EYS: variants seen among roughly 807,000 people sequenced by gnomAD.
EYS encodes EGF-like photoreceptor maintenance factor, also known as protein eyes shut homolog.
In EYS, 250 loss-of-function variants were observed where a neutral mutation model predicts 282.1. That is an observed-to-expected ratio of 0.89 (90% CI 0.80 to 0.98). EYS has a LOEUF of 0.98. EYS is among the 50% of genes least tolerant of loss of function. The probability of loss-of-function intolerance (pLI) is 0.00; values close to 1 mark genes in which losing one functional copy is unlikely to be tolerated. For missense variants in EYS, 4,016 were observed against 3,709.0 expected, an observed-to-expected ratio of 1.08 and a Z score of -2.15; for synonymous variants, 1,355 against 1,282.9, an observed-to-expected ratio of 1.06 and a Z score of -1.20.
intron 12 of EYS, among the ~76,000 whole-genome samples, chr6:65,259,502 T>C (rs1767561541): frequency 6.6e-6 from 1 of 152,070 alleles, no homozygotes; most frequent in Non-Finnish European, 1.5e-5. Flanking sequence ...GGTTGATGTG[T>C]TTTTATACTT....
intron 35 of EYS, among the ~76,000 whole-genome samples, chr6:63,930,297 A>T (rs1764849528): frequency 7.0e-6 from 1 of 142,988 alleles, no homozygotes; most frequent in South Asian, 2.3e-4. Flanking sequence ...CCACCCAAAA[A>T]CCAAACAAAA....
intron 2 of EYS, among the ~76,000 whole-genome samples, chr6:65,564,868 A>T (rs1481583560): frequency 6.6e-6 from 1 of 152,066 alleles, no homozygotes; most frequent in Non-Finnish European, 1.5e-5. Context: ...AATTTTTCTC[A>T]ATCTATCCAT....
At chr6:64,103,222 T>C (rs1197711119) in intron 31 of EYS, among the ~76,000 whole-genome samples, 1 of 152,110 alleles carries the variant, frequency 6.6e-6, no homozygotes, top group Non-Finnish European at 1.5e-5. Context: ...GTAAACTAGA[T>C]AAATAACTTA....
At chr6:65,603,661 T>C (rs1180767390) in intron 2 of EYS, among the ~76,000 whole-genome samples, 2 of 151,906 alleles carry the variant, frequency 1.3e-5, no homozygotes, top group Non-Finnish European at 2.9e-5. Context: ...AACTTGAGCT[T>C]TATTATCTGT....
chr6:65,262,833 T>A (rs1019270859), intron 12 of EYS, among the ~76,000 whole-genome samples: 3 of 152,098 alleles, frequency 2.0e-5, no homozygotes, highest in Non-Finnish European at 4.4e-5. Context: ...GACACCCATA[T>A]TAAGAGGATA....
rs1029564423 is a variant in EYS at position 64,822,650 on chromosome 6, C to A, written c.3164+1G>T. The A allele has an allele frequency of 6.6e-7, 1 of 1,520,894 alleles. No homozygotes were observed. Among genetic ancestry groups the A allele is most frequent in the East Asian group, 2.5e-5 (1 of 40,014 alleles). 94.2% of individuals were successfully genotyped at this position (1,520,894 alleles called of 1,614,324 possible). On this transcript the variant is annotated splice_donor_variant, in intron 20 of 42. Transcript: ENST00000503581. LOFTEE classifies it high-confidence loss of function. Reference sequence around the variant, plus strand: ...AAGCTAATAATAAAAAAAATAGCTACCTTCCATGTAGACAAGGATTTGAAA... The same window carrying A: ...AAGCTAATAATAAAAAAAATAGCTAACTTCCATGTAGACAAGGATTTGAAA...
rs957242100 is a variant in EYS, at chr6:64,138,176, T to G, written c.6425-56174A>C. 2.6e-5 allele frequency among the ~76,000 whole-genome samples: 4 copies of G among 152,176 alleles called. No individual in the cohort carries two copies. The East Asian group carries it at 7.7e-4, about 29-fold the overall frequency. On this transcript the variant is annotated intron_variant, in intron 31 of 42. Transcript: ENST00000503581. ...CAGAACTTCAATTGTACATAGTAGA[T>G]GTAAATAGGTGAGCTGTAAGTCGTA...
At chr6:64,709,367 A>C (rs149096080) in intron 22 of EYS, among the ~76,000 whole-genome samples, 1 of 152,116 alleles carries the variant, frequency 6.6e-6, no homozygotes, top group African/African-American at 2.4e-5. Flanking sequence ...CATTTGATGG[A>C]GTTCATTTCT....
chr6:64,995,903 C>G (rs1771244721), intron 14 of EYS, among the ~76,000 whole-genome samples: 1 of 152,102 alleles, frequency 6.6e-6, no homozygotes, highest in African/African-American at 2.4e-5. Flanking sequence ...CTTGACTTGT[C>G]AAATGACTGG....
chr6:64,434,601 C>A (rs1276498901), intron 28 of EYS, among the ~76,000 whole-genome samples: 1 of 152,002 alleles, frequency 6.6e-6, no homozygotes, highest in Non-Finnish European at 1.5e-5. Context: ...TAGCATGGTT[C>A]ATGGGGCCTG....
At chr6:64,111,854 T>C (rs1773216021) in intron 31 of EYS, among the ~76,000 whole-genome samples, 2 of 152,100 alleles carry the variant, frequency 1.3e-5, no homozygotes, top group Middle Eastern at 3.4e-3. Context: ...TAGAAAGAAA[T>C]ATATTATGGA....
intron 2 of EYS, among the ~76,000 whole-genome samples, chr6:65,538,755 T>G (rs1460681851): frequency 1.3e-5 from 2 of 152,126 alleles, no homozygotes; most frequent in Admixed American, 1.3e-4. Flanking sequence ...CCATGACTCC[T>G]CCTAGTATTC....
intron 2 of EYS, among the ~76,000 whole-genome samples, chr6:65,634,813 C>A (rs1186761839): frequency 2.0e-5 from 3 of 152,166 alleles, no homozygotes; most frequent in Non-Finnish European, 4.4e-5. Flanking sequence ...CCTTGTTATA[C>A]AGGTGAGAAG....
intron 22 of EYS, among the ~76,000 whole-genome samples, chr6:64,681,088 T>G (rs539434614): frequency 6.6e-6 from 1 of 152,254 alleles, no homozygotes; most frequent in Non-Finnish European, 1.5e-5. Context: ...TGTTAAAACA[T>G]ATCTCAAATA....
intron 13 of EYS, among the ~76,000 whole-genome samples, chr6:65,001,455 A>G (rs1240521612): frequency 6.8e-6 from 1 of 147,604 alleles, no homozygotes; most frequent in Non-Finnish European, 1.5e-5. Context: ...TCTGCGGAAG[A>G]GTCCGTTGGT....
chr6:64,506,787 TA>T (rs1264110978), intron 26 of EYS, among the ~76,000 whole-genome samples: 2 of 151,484 alleles, frequency 1.3e-5, no homozygotes, highest in African/African-American at 4.9e-5. Context: ...CAAGCGGCTG[TA>T]GTCCCAGCTA....
rs1160393014 is a variant in EYS, at chr6:64,837,937, T to C, written c.2993-15115A>G. ...ATTCAAGTGATGACTACACTAAAAG[T>C]CTAGACTTCACCACCTTGCAATATA... On this transcript the variant is annotated intron_variant, in intron 19 of 42. Coordinates refer to ENST00000503581, the MANE Select transcript of EYS (RefSeq NM_001142800.2). Among the ~76,000 whole-genome samples the C allele has an allele frequency of 2.0e-5, 3 of 151,570 alleles. No homozygotes were observed. The East Asian group carries it at 5.8e-4, about 29-fold the overall frequency.
intron 13 of EYS, among the ~76,000 whole-genome samples, chr6:65,011,066 T>C (rs1320135319): frequency 2.0e-5 from 3 of 152,160 alleles, no homozygotes; most frequent in African/African-American, 2.4e-5. Flanking sequence ...CAAGCCCCAA[T>C]ACTCAGCAGG....
At chr6:65,030,387 C>T (rs186508712) in intron 13 of EYS, among the ~76,000 whole-genome samples, 217 of 152,210 alleles carry the variant, frequency 1.4e-3, no homozygotes, top group African/African-American at 4.6e-3. Context: ...CACCCAACTA[C>T]GCACAGCATC....
Sources: gnomAD v4.1 joint callset for allele counts (sites outside exome capture counted in the v4.1 genomes callset) on GRCh38, gnomAD v4.1.1 for gene constraint, MANE v1.5 for transcripts, NCBI Gene and HGNC (gene_info 2026-07-23, HGNC 2026-07-21) for gene names.